JMJD1C: variants seen among roughly 807,000 people sequenced by gnomAD.
JMJD1C encodes the protein jumonji domain-containing protein 1C.
A neutral mutation model predicts 245.3 loss-of-function variants in JMJD1C; 31 were observed. That is an observed-to-expected ratio of 0.13 (90% CI 0.09 to 0.17). JMJD1C has a LOEUF of 0.17. JMJD1C is among the 10% of genes least tolerant of loss of function. The pLI, the probability that JMJD1C is intolerant of heterozygous loss-of-function variation, is 1.00. For missense variants in JMJD1C, 2,691 were observed against 3,000.2 expected, an observed-to-expected ratio of 0.90 and a Z score of 2.41; for synonymous variants, 1,057 against 1,017.4, an observed-to-expected ratio of 1.04 and a Z score of -0.74.
At chr10:63,395,060 T>C (rs375469327) in intron 1 of JMJD1C, among the ~76,000 whole-genome samples, 80 of 152,254 alleles carry the variant, frequency 5.3e-4, no homozygotes, top group African/African-American at 1.9e-3. Context: ...GATTTGAACA[T>C]GTACTTCACT....
intron 2 of JMJD1C, among the ~76,000 whole-genome samples, chr10:63,305,629 CGT>C (rs36038855): frequency 0.062 from 7,587 of 121,532 alleles, 233 homozygotes; most frequent in South Asian, 0.12. Context: ...ACCATGCTGG[CGT>C]GTGTGTGTGT....
intron 2 of JMJD1C, among the ~76,000 whole-genome samples, chr10:63,317,395 C>A (rs987099081): frequency 6.6e-5 from 10 of 152,014 alleles, no homozygotes; most frequent in Non-Finnish European, 1.2e-4. Context: ...ATCCCAGCTA[C>A]TTGGGAGGCT....
intron 13 of JMJD1C, among the ~76,000 whole-genome samples, chr10:63,195,128 C>A (rs540242096): frequency 1.3e-5 from 2 of 151,924 alleles, no homozygotes; most frequent in Non-Finnish European, 2.9e-5. Flanking sequence ...GCCAAGGCAG[C>A]GGATCACTTG....
chr10:63,452,918 T>C (rs960388716), intron 1 of JMJD1C, among the ~76,000 whole-genome samples: 1 of 152,142 alleles, frequency 6.6e-6, no homozygotes, highest in Non-Finnish European at 1.5e-5. Flanking sequence ...CTTCTGACAA[T>C]GGATAGTACT....
chr10:63,486,226 T>C (rs187584894), intron 1 of JMJD1C, among the ~76,000 whole-genome samples: 98 of 149,436 alleles, frequency 6.6e-4, no homozygotes, highest in Admixed American at 1.5e-3. Context: ...AGAAATTCAT[T>C]AGAGTATGAC....
intron 1 of JMJD1C, among the ~76,000 whole-genome samples, chr10:63,407,010 G>C (rs7915339): frequency 0.22 from 33,945 of 151,946 alleles, 4,402 homozygotes; most frequent in Non-Finnish European, 0.3. Flanking sequence ...GAAAAAAAAA[G>C]AAGCTTAATC....
In JMJD1C at chr10:63,214,791, T is replaced by C; in HGVS notation, c.1376A>G (p.Asp459Gly). ...CTGTTCTGACGAATGAATAATCATA[T>C]CTTCTTGAAGCTGAGTGTCAACAGA... ...RKSVDTQLQEDMIIHSSEQST... is the reference protein window; with the variant it reads ...RKSVDTQLQEGMIIHSSEQST... Residue 459 changes from aspartate to glycine, a missense_variant, in exon 8 of 26, where the codon GAT becomes GGT. Around this residue, in one of 9 missense-constraint regions of JMJD1C, gnomAD observed 1,562 missense variants for 1,490.7 expected, o/e 1.05. Transcript: ENST00000399262. The C allele has an allele frequency of 3.1e-6, 5 of 1,613,752 alleles. No homozygotes were observed. The highest frequency in any genetic ancestry group is 4.2e-6 in the Non-Finnish European group (5 of 1,179,794).
chr10:63,371,528 C>G (rs1266102327), intron 2 of JMJD1C, among the ~76,000 whole-genome samples: 2 of 152,082 alleles, frequency 1.3e-5, no homozygotes, highest in African/African-American at 4.8e-5. Context: ...TTTTTTTAAT[C>G]TGCAGCTCCC....
chr10:63,216,846 C>T (rs370121287), intron 5 of JMJD1C, among the ~76,000 whole-genome samples: 82 of 152,274 alleles, frequency 5.4e-4, no homozygotes, highest in African/African-American at 1.9e-3. Flanking sequence ...TAAGTTTTCA[C>T]TGATGAAAAG....
Position 63,214,175 on chromosome 10 carries a change from G to A in JMJD1C, c.1992C>T (p.Asn664=), listed in dbSNP as rs554849016. The A allele has an allele frequency of 2.5e-6, 4 of 1,614,108 alleles. No individual in the cohort carries two copies. The highest frequency in any genetic ancestry group is 2.2e-5 in the South Asian group (2 of 91,084). The change falls in exon 8 of 26, where the codon AAC becomes AAT. Residue 664 remains asparagine, a synonymous_variant. Coordinates refer to ENST00000399262, the MANE Select transcript of JMJD1C (RefSeq NM_032776.3). ...ATCTTCTTTCACCAGTAGCTTGGCT[G>A]TTCACATAAGTGGCCTTAGACTTTA... The part of the protein sequence containing the change: ...DSVKSKATYV[N]SQATGERRLA...
At chr10:63,421,371 T>C (rs138996438) in intron 1 of JMJD1C, among the ~76,000 whole-genome samples, 12 of 152,216 alleles carry the variant, frequency 7.9e-5, no homozygotes, top group Middle Eastern at 3.4e-3. Flanking sequence ...CAAAACTATA[T>C]AGAGCAAAGC....
chr10:63,351,606 G>C (rs1944366314), intron 2 of JMJD1C, among the ~76,000 whole-genome samples: 1 of 152,106 alleles, frequency 6.6e-6, no homozygotes, highest in Admixed American at 6.6e-5. Context: ...ACAAAATCAA[G>C]TTTATAGAGC....
Position 63,434,727 on chromosome 10 carries a change from C to CA in JMJD1C, c.168+30767dup, listed in dbSNP as rs200000948. Among the ~76,000 whole-genome samples, 74 of 147,724 alleles carry CA rather than the reference C, an allele frequency of 5.0e-4. 1 individual carries two copies. In the East Asian group the frequency reaches 8.2e-3, roughly 16 times the overall value. On this transcript the variant is annotated intron_variant, in intron 1 of 25. Coordinates refer to ENST00000399262, the MANE Select transcript of JMJD1C (RefSeq NM_032776.3). Reference sequence around the variant, plus strand: ...GAGCGCATCTATTAAGAAAAACAAACAAAAAAAAAAGATTGACCAAGCCTA... The same window carrying CA: ...GAGCGCATCTATTAAGAAAAACAAACAAAAAAAAAAAGATTGACCAAGCCTA...
intron 1 of JMJD1C, among the ~76,000 whole-genome samples, chr10:63,517,398 G>T (rs969830469): frequency 2.0e-5 from 3 of 152,034 alleles, no homozygotes; most frequent in East Asian, 1.9e-4. Context: ...TCTTATTTTT[G>T]ATCTTCATAA....
chr10:63,420,005 G>A (rs1473868685), intron 1 of JMJD1C, among the ~76,000 whole-genome samples: 5 of 151,386 alleles, frequency 3.3e-5, no homozygotes, highest in Non-Finnish European at 7.4e-5. Context: ...GCATGATGGC[G>A]CGCGCCTGGA....
chr10:63,177,618 G>GTA (rs1404683874), intron 23 of JMJD1C, 99 bp downstream of exon 23: 7 of 1,257,772 alleles, frequency 5.6e-6, no homozygotes, highest in Non-Finnish European at 7.9e-6. Context: ...TAAAAATTAT[G>GTA]TAATGGTCTT....
At chr10:63,517,264 C>G (rs1589846868) in intron 1 of JMJD1C, among the ~76,000 whole-genome samples, 1 of 152,154 alleles carries the variant, frequency 6.6e-6, no homozygotes, top group South Asian at 2.1e-4. Context: ...CTCTGTTGCT[C>G]TGCTAATAAA....
chr10:63,297,880 T>A (rs754749812), intron 2 of JMJD1C, among the ~76,000 whole-genome samples: 4 of 152,208 alleles, frequency 2.6e-5, no homozygotes, highest in Non-Finnish European at 5.9e-5. Flanking sequence ...GTGGCCCTAC[T>A]GGGAGCCCAG....
At chr10:63,176,787 A>T in intron 23 of JMJD1C, 1 of 189,444 alleles carries the variant, frequency 5.3e-6, no homozygotes. Flanking sequence ...CACATGGATG[A>T]GGAACAGGGT....
Sources: allele counts gnomAD v4.1 joint callset (sites outside exome capture counted in the v4.1 genomes callset), GRCh38; gene constraint gnomAD v4.1.1; regional missense constraint gnomAD v4.1.1; transcripts MANE v1.5; gene names NCBI Gene and HGNC (gene_info 2026-07-23, HGNC 2026-07-21).